The following NOVA1 variants were observed in gnomAD, a reference collection of about 807,000 sequenced individuals.
The protein encoded by NOVA1 is RNA-binding protein Nova-1.
NOVA1 carries 7 observed loss-of-function variants against 38.0 expected under a neutral mutation model. The ratio of observed to expected loss-of-function variants is 0.18; its 90% CI spans 0.10 to 0.35. NOVA1 has a LOEUF of 0.35. Among genes scored for constraint, NOVA1 ranks in the 10% least tolerant of loss-of-function variants. The pLI is 1.00. For missense variants in NOVA1, 460 were observed against 616.0 expected (o/e 0.75, Z 2.68); for synonymous variants, 270 against 232.5 (o/e 1.16, Z -1.47).
At chr14:26,513,345 T>C (rs1293377725) in intron 2 of NOVA1, among the ~76,000 whole-genome samples, 1 of 151,772 alleles carries the variant, frequency 6.6e-6, no homozygotes, top group African/African-American at 2.4e-5. Context: ...GAAATAAGAG[T>C]ATGAAAAAGA....
At chr14:26,582,249 C>T (rs1426630236) in intron 2 of NOVA1, among the ~76,000 whole-genome samples, 1 of 151,698 alleles carries the variant, frequency 6.6e-6, no homozygotes, top group Admixed American at 6.6e-5. Context: ...TTTACTTATA[C>T]CTTAAATTTA....
At chr14:26,577,032 C>T (rs1892898611) in intron 2 of NOVA1, among the ~76,000 whole-genome samples, 1 of 151,954 alleles carries the variant, frequency 6.6e-6, no homozygotes. Context: ...ACCCTGGTAA[C>T]CACTATTCTA....
At chr14:26,523,307 C>T (rs1889038147) in intron 2 of NOVA1, among the ~76,000 whole-genome samples, 1 of 152,178 alleles carries the variant, frequency 6.6e-6, no homozygotes, top group African/African-American at 2.4e-5. Context: ...GTAATGTCAA[C>T]ATTTATTATT....
intron 2 of NOVA1, chr14:26,549,523 T>G: frequency 4.7e-6 from 1 of 214,022 alleles, no homozygotes; most frequent in South Asian, 7.5e-5. Flanking sequence ...TTATTTAATT[T>G]TGTACCAATC....
intron 2 of NOVA1, among the ~76,000 whole-genome samples, chr14:26,591,210 A>G (rs944420324): frequency 6.6e-5 from 10 of 151,746 alleles, no homozygotes; most frequent in Non-Finnish European, 1.3e-4. Context: ...ATGTTTAAGT[A>G]AAAGATTATG....
In NOVA1 at chr14:26,597,340, G is replaced by C; in HGVS notation, c.97C>G (p.Pro33Ala). The change falls in exon 1 of 5, where the codon CCC becomes GCC. Residue 33 changes from proline (P) to alanine (A), a missense_variant. By Grantham distance (27) the Pro-to-Ala change is conservative. Coordinates refer to ENST00000539517, the MANE Select transcript of NOVA1 (RefSeq NM_002515.3). Reference protein sequence around the residue: ...PDSRKRPLEAPPEAGSTKRTN... With the variant: ...PDSRKRPLEAAPEAGSTKRTN... ...CTCTTGGTGCTGCCGGCTTCAGGGG[G>C]GGCTTCCAGCGGCCTTTTCCGCGAG... 1 of 1,263,180 alleles carries C rather than the reference G, an allele frequency of 7.9e-7. No individual in the cohort carries two copies. The highest frequency in any genetic ancestry group is 1.0e-6 in the Non-Finnish European group (1 of 996,028). The allele number at this position is 1,263,180 out of a possible 1,614,324, so 78.2% of individuals were successfully genotyped here. A position where few individuals can be genotyped will look rare whatever the true frequency, so the allele number is the denominator to read the frequency against.
chr14:26,517,157 G>A (rs540227141), intron 2 of NOVA1, among the ~76,000 whole-genome samples: 8 of 151,930 alleles, frequency 5.3e-5, no homozygotes, highest in African/African-American at 1.7e-4. Context: ...CGCCTGCCTC[G>A]GCCTCCCAAA....
chr14:26,466,649 T>G (rs1021476932), intron 4 of NOVA1, among the ~76,000 whole-genome samples: 1 of 152,196 alleles, frequency 6.6e-6, no homozygotes, highest in African/African-American at 2.4e-5. Context: ...GGTTAAAATG[T>G]TTTTGTCCAT....
intron 2 of NOVA1, among the ~76,000 whole-genome samples, chr14:26,591,858 T>C (rs973709156): frequency 6.6e-6 from 1 of 151,440 alleles, no homozygotes; most frequent in African/African-American, 2.4e-5. Context: ...GTAAGAAAAA[T>C]TGAAATATAA....
intron 2 of NOVA1, among the ~76,000 whole-genome samples, chr14:26,559,247 A>C (rs1891674436): frequency 6.6e-6 from 1 of 152,128 alleles, no homozygotes; most frequent in Non-Finnish European, 1.5e-5. Context: ...AGAAAAATAT[A>C]AAATATACTG....
At chr14:26,511,370 C>G (rs538496366) in intron 2 of NOVA1, among the ~76,000 whole-genome samples, 1 of 152,168 alleles carries the variant, frequency 6.6e-6, no homozygotes, top group East Asian at 1.9e-4. Context: ...AAAATTCAAT[C>G]AATAGCCAAA....
In NOVA1 at chr14:26,548,413, T is replaced by C. The variant is rs576993055; in HGVS notation, c.280+46997A>G. 2.0e-5 allele frequency among the ~76,000 whole-genome samples: 3 copies of C among 152,202 alleles called. No individual in the cohort carries two copies. In the South Asian group the frequency reaches 6.2e-4, roughly 32 times the overall value. The stretch of plus-strand genomic sequence containing the variant: ...ACATTATAATTTAACTTATGACACA[T>C]AATTTAAAGTTACCTAAACCAAATG... On this transcript the variant is annotated intron_variant, in intron 2 of 4. Coordinates refer to ENST00000539517, the MANE Select transcript of NOVA1 (RefSeq NM_002515.3).
intron 4 of NOVA1, among the ~76,000 whole-genome samples, chr14:26,469,296 T>C (rs1485989335): frequency 6.6e-6 from 1 of 152,158 alleles, no homozygotes; most frequent in Non-Finnish European, 1.5e-5. Flanking sequence ...TAGAAAATAA[T>C]TGTAAAGTAG....
At chr14:26,486,800 T>G (rs1885946775) in intron 2 of NOVA1, among the ~76,000 whole-genome samples, 1 of 149,184 alleles carries the variant, frequency 6.7e-6, no homozygotes. Flanking sequence ...CTTTATGAAA[T>G]CATTTTTGAT....
chr14:26,453,395 A>G (rs1294479889), intron 4 of NOVA1, among the ~76,000 whole-genome samples: 2 of 152,006 alleles, frequency 1.3e-5, no homozygotes, highest in East Asian at 3.9e-4. Context: ...TTTTAAATTA[A>G]AAGAATCTTT....
chr14:26,546,924 C>A (rs919048904), intron 2 of NOVA1, among the ~76,000 whole-genome samples: 2 of 152,050 alleles, frequency 1.3e-5, no homozygotes, highest in African/African-American at 2.4e-5. Flanking sequence ...GAGGCTGAGG[C>A]AGGAGAATCA....
At chr14:26,485,586 TA>T (rs1389353782) in intron 2 of NOVA1, among the ~76,000 whole-genome samples, 2 of 152,110 alleles carry the variant, frequency 1.3e-5, no homozygotes, top group Non-Finnish European at 2.9e-5. Flanking sequence ...TAAAGTGCTA[TA>T]AAAAACTGTT....
At chr14:26,458,309 A>G (rs1236588104) in intron 4 of NOVA1, among the ~76,000 whole-genome samples, 3 of 152,158 alleles carry the variant, frequency 2.0e-5, no homozygotes, top group Non-Finnish European at 2.9e-5. Context: ...TATTTGACCC[A>G]GCAATCTCAC....
At chr14:26,553,187 C>T (rs897917620) in intron 2 of NOVA1, among the ~76,000 whole-genome samples, 1 of 152,276 alleles carries the variant, frequency 6.6e-6, no homozygotes, top group African/African-American at 2.4e-5. Flanking sequence ...CTTTTCCAAT[C>T]GCCCAGGGGC....
Sources: allele counts gnomAD v4.1 joint callset (sites outside exome capture counted in the v4.1 genomes callset), GRCh38; gene constraint gnomAD v4.1.1; transcripts MANE v1.5; gene names NCBI Gene and HGNC (gene_info 2026-07-23, HGNC 2026-07-21).